Variants in METRNL observed in about 807,000 individuals in gnomAD.
METRNL encodes the protein meteorin-like protein.
Under a neutral mutation model 17.4 loss-of-function variants are expected in METRNL, and 9 were observed. The observed-to-expected ratio is 0.52, with a 90% CI of 0.31 to 0.90. The LOEUF is 0.90. Among genes scored for constraint, METRNL ranks in the 40% least tolerant of loss-of-function variants. The pLI is 0.05. For missense variants in METRNL, 408 were observed against 430.7 expected (o/e 0.95, Z 0.47); for synonymous variants, 215 against 199.3 (o/e 1.08, Z -0.66).
chr17:83,081,661 C>A (rs1462474547), intron 1 of METRNL, among the ~76,000 whole-genome samples: 1 of 144,428 alleles, frequency 6.9e-6, no homozygotes, highest in Admixed American at 6.7e-5. Context: ...CCAGAGGGGA[C>A]CCCCCCACAC....
In METRNL at chr17:83,079,702, G is replaced by C. The variant is rs866815308; in HGVS notation, c.-114G>C. ...GCCGCGCGGAGGACGCGGGGGGCGC[G>C]CGACGTGACCACCCGGACTCGAAGC... On this transcript the variant is annotated 5_prime_UTR_variant, in exon 1 of 4. Transcript: ENST00000320095. The C allele has an allele frequency of 4.1e-3, 1,295 of 314,490 alleles. 6 individuals carry two copies. The highest frequency in any genetic ancestry group is 1.0e-2 in the South Asian group (86 of 8,624). The allele number at this position is 314,490 out of a possible 1,614,324, so 19.5% of individuals were successfully genotyped here. A position where few individuals can be genotyped will look rare whatever the true frequency, so the allele number is the denominator to read the frequency against.
rs150925808 is a variant in METRNL at position 83,083,042 on chromosome 17, T to G, written c.171-1896T>G. 6.6e-5 allele frequency among the ~76,000 whole-genome samples: 10 copies of G among 152,284 alleles called. No individual in the cohort carries two copies. The East Asian group carries it at 1.9e-3, about 29-fold the overall frequency. Reference sequence around the variant, plus strand: ...AGGCCGGGGTAGCCGGGTGTCTTCTTTCTTCTGTGTCCACCTTCATTTTGT... The same window carrying G: ...AGGCCGGGGTAGCCGGGTGTCTTCTGTCTTCTGTGTCCACCTTCATTTTGT... On this transcript the variant is annotated intron_variant, in intron 1 of 3. Coordinates refer to ENST00000320095, the MANE Select transcript of METRNL (RefSeq NM_001004431.3).
At position 83,094,865 on chromosome 17, in the gene METRNL, G is replaced by A. The variant is rs2038185736; in HGVS notation, c.*290G>A. 4 of 331,610 alleles carry A rather than the reference G, an allele frequency of 1.2e-5. No individual in the cohort carries two copies. The highest frequency in any genetic ancestry group is 2.1e-5 in the African/African-American group (1 of 47,214). The allele number at this position is 331,610 out of a possible 1,614,324, so 20.5% of individuals were successfully genotyped here. On this transcript the variant is annotated 3_prime_UTR_variant, in exon 4 of 4. Transcript: ENST00000320095. The stretch of plus-strand genomic sequence containing the variant: ...GAAACAAATTCCCGTGTCTTAAAAC[G>A]CCTTGGTGTGCCGTCTGATACTGTT...
intron 2 of METRNL, 119 bp from the exon 3 acceptor site, chr17:83,093,048 G>T: frequency 3.9e-6 from 3 of 777,066 alleles, no homozygotes; most frequent in Non-Finnish European, 6.5e-6. Context: ...AAGGTGCCTT[G>T]ACGTGGACAC....
At position 83,094,599 on chromosome 17, in the gene METRNL, C is replaced by G. The variant is rs2038181211; in HGVS notation, c.*24C>G. On this transcript the variant is annotated 3_prime_UTR_variant, in exon 4 of 4. Transcript: ENST00000320095. ...GACTCCGTGGGCCGCTGCCCTTCCTCTCCTGATGAGTCACAGGCTGCGGTG... is the reference window on the plus strand; with the variant it reads ...GACTCCGTGGGCCGCTGCCCTTCCTGTCCTGATGAGTCACAGGCTGCGGTG... The G allele has an allele frequency of 7.0e-7, 1 of 1,429,098 alleles. No homozygotes were observed. Among genetic ancestry groups the G allele is most frequent in the Non-Finnish European group, 9.2e-7 (1 of 1,086,786 alleles). The allele number at this position is 1,429,098 out of a possible 1,614,324, so 88.5% of individuals were successfully genotyped here. A position where few individuals can be genotyped will look rare whatever the true frequency, so the allele number is the denominator to read the frequency against.
intron 1 of METRNL, among the ~76,000 whole-genome samples, chr17:83,080,857 G>GCCCCCGCCCCC (rs2037977621): frequency 5.3e-5 from 8 of 150,662 alleles, no homozygotes; most frequent in Non-Finnish European, 8.9e-5. Flanking sequence ...CCCTCGGCGC[G>GCCCCCGCCCCC]GCCCCCGCCC....
chr17:83,094,412 T>G lies in METRNL; in HGVS notation c.773T>G (p.Leu258Arg). Residue 258 changes from leucine to arginine, a missense_variant, in exon 4 of 4, where the codon CTG becomes CGG. By Grantham distance (102) the Leu-to-Arg change is moderately radical (BLOSUM62 -2). Transcript: ENST00000320095. ...GHWQGRVRTL[L>R]ECGVRPGHGD... ...TGGCAGGGGCGCGTCAGGACGCTGCTGGAGTGTGGCGTGCGGCCGGGGCAT... is the reference window on the plus strand; with the variant it reads ...TGGCAGGGGCGCGTCAGGACGCTGCGGGAGTGTGGCGTGCGGCCGGGGCAT... 1 of 1,605,264 alleles carries G rather than the reference T, an allele frequency of 6.2e-7. No individual in the cohort carries two copies. The highest frequency in any genetic ancestry group is 1.1e-5 in the South Asian group (1 of 90,472).
At chr17:83,080,576 C>G (rs1451476222) in intron 1 of METRNL, among the ~76,000 whole-genome samples, 1 of 133,548 alleles carries the variant, frequency 7.5e-6, no homozygotes, top group Non-Finnish European at 1.7e-5. Context: ...CCCCCCCCCC[C>G]CCCACCCGCG....
At chr17:83,080,945 C>G (rs1350399835) in intron 1 of METRNL, among the ~76,000 whole-genome samples, 1 of 151,300 alleles carries the variant, frequency 6.6e-6, no homozygotes, top group Non-Finnish European at 1.5e-5. Flanking sequence ...CGGGGCAGAG[C>G]CGGTGCGGGG....
At chr17:83,084,733 T>C (rs893654771) in intron 1 of METRNL, 11 of 559,734 alleles carry the variant, frequency 2.0e-5, no homozygotes, top group Non-Finnish European at 3.4e-5. Flanking sequence ...TGGAAGGAAC[T>C]GGGTGGGGCC....
Position 83,079,859 on chromosome 17 carries a change from C to G in METRNL, c.44C>G (p.Pro15Arg). The change falls in exon 1 of 4, where the codon CCG (proline) becomes CGG (arginine). Residue 15 changes from proline (P) to arginine (R), a missense_variant. By Grantham distance (103) the Pro-to-Arg change is moderately radical. Coordinates refer to ENST00000320095, the MANE Select transcript of METRNL (RefSeq NM_001004431.3). ...GCGGCCTGGGGGCGCGCGGGGCAGC[C>G]GTGGCCGCGACCCCCCGCCCCGGGC... ...ARAAWGRAGQ[P>R]WPRPPAPGPP... 1 of 966,256 alleles carries G rather than the reference C, an allele frequency of 1.0e-6. No individual in the cohort carries two copies. The highest frequency in any genetic ancestry group is 1.2e-6 in the Non-Finnish European group (1 of 817,466). The allele number at this position is 966,256 out of a possible 1,614,324, so 59.9% of individuals were successfully genotyped here. A position where few individuals can be genotyped will look rare whatever the true frequency, so the allele number is the denominator to read the frequency against.
Position 83,081,658 on chromosome 17 carries a change from G to A in METRNL, c.170+1673G>A, listed in dbSNP as rs544804334. Among the ~76,000 whole-genome samples the A allele has an allele frequency of 3.3e-4, 50 of 150,616 alleles. 1 individual carries two copies. Among genetic ancestry groups the A allele is most frequent in the African/African-American group, 1.0e-3 (40 of 40,080 alleles). On this transcript the variant is annotated intron_variant, in intron 1 of 3. Coordinates refer to ENST00000320095, the MANE Select transcript of METRNL (RefSeq NM_001004431.3). ...GTCCTGGCCTCAGACTCCCCAGAGG[G>A]GACCCCCCCACACACACACACAGGG...
chr17:83,093,454 C>G (rs982937770), intron 3 of METRNL, among the ~76,000 whole-genome samples: 1 of 152,230 alleles, frequency 6.6e-6, no homozygotes, highest in African/African-American at 2.4e-5. Context: ...GTTTTGGTGA[C>G]TGTCAAACAT....
At chr17:83,082,016 T>A in intron 1 of METRNL, 1 of 936,780 alleles carries the variant, frequency 1.1e-6, no homozygotes, top group Non-Finnish European at 1.3e-6. Context: ...AAGTTGCCCC[T>A]CATGACACTG....
chr17:83,080,889 G>T (rs1309561570), intron 1 of METRNL, among the ~76,000 whole-genome samples: 1 of 150,552 alleles, frequency 6.6e-6, no homozygotes, highest in Non-Finnish European at 1.5e-5. Context: ...CCCGCCGCGG[G>T]CCGAGTCACG....
At chr17:83,092,910 G>C (rs948219971) in intron 2 of METRNL, among the ~76,000 whole-genome samples, 2 of 152,132 alleles carry the variant, frequency 1.3e-5, no homozygotes, top group African/African-American at 4.8e-5. Context: ...GGTGCCTTTG[G>C]TCCAGGTGGG....
At position 83,085,678 on chromosome 17, in the gene METRNL, CCT is replaced by C. The variant is rs994143391; in HGVS notation, c.556+361_556+362del. ...GCGGCATGGCCTTGGCCGAGCGGGG[CCT>C]CTCTCCCTGGAGGTGTGTCTGGGGA... On this transcript the variant is annotated intron_variant, in intron 2 of 3. Coordinates refer to ENST00000320095, the MANE Select transcript of METRNL (RefSeq NM_001004431.3). 5.1e-4 allele frequency among the ~76,000 whole-genome samples: 77 copies of C among 152,212 alleles called. 1 individual carries two copies. Among genetic ancestry groups the C allele is most frequent in the Non-Finnish European group, 2.5e-4 (17 of 68,032 alleles).
At chr17:83,094,039 A>T (rs2038171793) in intron 3 of METRNL, among the ~76,000 whole-genome samples, 1 of 152,226 alleles carries the variant, frequency 6.6e-6, no homozygotes, top group African/African-American at 2.4e-5. Context: ...TAGAAAGGGC[A>T]CCTGTTCTCT....
chr17:83,079,612 GGCTCGGCGGCGGCGGCGGGCGCGGA>G lies in METRNL; in HGVS notation c.-199_-175del, dbSNP rs2037956258. The G allele has an allele frequency of 6.7e-6, 1 of 148,742 alleles. No individual in the cohort carries two copies. The highest frequency in any genetic ancestry group is 1.5e-5 in the Non-Finnish European group (1 of 67,364). 9.2% of individuals were successfully genotyped at this position (148,742 alleles called of 1,614,324 possible). ...CGGACTCGGACTCGCCAACTTCAGA[GGCTCGGCGGCGGCGGCGGGCGCGGA>G]GCTCTGCGCGCGGCTCCAGCGGGCC... On this transcript the variant is annotated 5_prime_UTR_variant, in exon 1 of 4. Transcript: ENST00000320095.
Sources: allele counts gnomAD v4.1 joint callset (sites outside exome capture counted in the v4.1 genomes callset), GRCh38; gene constraint gnomAD v4.1.1; transcripts MANE v1.5; gene names NCBI Gene and HGNC (gene_info 2026-07-23, HGNC 2026-07-21).